CCDC39: variants seen among roughly 807,000 people sequenced by gnomAD.
CCDC39 encodes the protein coiled-coil domain 39 molecular ruler complex subunit.
Under a neutral mutation model 121.0 loss-of-function variants are expected in CCDC39, and 113 were observed. The ratio of observed to expected loss-of-function variants is 0.93; its 90% confidence interval spans 0.80 to 1.09. CCDC39 has a LOEUF of 1.09. Ranked by LOEUF, CCDC39 falls within the 50% of genes least tolerant of loss-of-function variation. The pLI is 0.00. For missense variants in CCDC39, 1,063 were observed against 1,074.7 expected (o/e 0.99, Z 0.15); for synonymous variants, 349 against 352.2 (o/e 0.99, Z 0.10).
intron 12 of CCDC39, among the ~76,000 whole-genome samples, chr3:180,643,306 T>G (rs939403196): frequency 2.0e-5 from 3 of 151,940 alleles, no homozygotes; most frequent in Non-Finnish European, 4.4e-5. Flanking sequence ...AATTTATATA[T>G]GTAAACTTCC....
At chr3:180,666,485 T>C (rs577801828) in intron 1 of CCDC39, among the ~76,000 whole-genome samples, 1 of 152,332 alleles carries the variant, frequency 6.6e-6, no homozygotes, top group Non-Finnish European at 1.5e-5. Flanking sequence ...AATAGCTCAC[T>C]GTAACTGTAC....
rs1711691565 is a variant in CCDC39, at chr3:180,659,673, T to C, written c.609+4A>G. ...TAAGAAATAAAAATCTTCCTTAAAC[T>C]AACCTGTGCGCTTATAGTCTCTGTA... On this transcript the variant is annotated splice_donor_region_variant and intron_variant, in intron 5 of 19. Transcript: ENST00000476379. 1 of 1,606,994 alleles carries C rather than the reference T, an allele frequency of 6.2e-7. No homozygotes were observed. The highest frequency in any genetic ancestry group is 8.5e-7 in the Non-Finnish European group (1 of 1,177,738).
chr3:180,660,285 G>A (rs1711709670), intron 4 of CCDC39, among the ~76,000 whole-genome samples: 1 of 151,964 alleles, frequency 6.6e-6, no homozygotes, highest in Non-Finnish European at 1.5e-5. Flanking sequence ...ATGCTTTTGA[G>A]CATCCTTATA....
Position 180,648,352 on chromosome 3 carries a change from T to C in CCDC39, c.1175A>G (p.Asp392Gly). Residue 392 changes from aspartate to glycine, a missense_variant, in exon 10 of 20, where the codon GAT becomes GGT. Transcript: ENST00000476379. ...KEEEKDVKEV[D>G]VQLNLIKGVL... is the part of the protein sequence containing the mutation. The stretch of plus-strand genomic sequence containing the variant: ...ACCTTTTATGAGGTTCAGTTGAACA[T>C]CTACTTCCTGATAATGAGAATTATA... 6.4e-7 allele frequency: 1 copy of C among 1,550,410 alleles called. No homozygotes were observed. The highest frequency in any genetic ancestry group is 8.7e-7 in the Non-Finnish European group (1 of 1,148,326).
chr3:180,669,784 C>T (rs537892214), intron 1 of CCDC39, among the ~76,000 whole-genome samples: 1 of 152,172 alleles, frequency 6.6e-6, no homozygotes, highest in Admixed American at 6.5e-5. Context: ...ACACAAAATG[C>T]TTTTTTAGTG....
chr3:180,623,813 GAGA>G (rs991697604), intron 14 of CCDC39, among the ~76,000 whole-genome samples: 53 of 151,770 alleles, frequency 3.5e-4, no homozygotes, highest in African/African-American at 1.2e-3. Flanking sequence ...ACTGTGGTCT[GAGA>G]AGATTTTTTT....
intron 2 of CCDC39, 35 bp downstream of exon 2, chr3:180,663,832 C>T (rs1411029177): frequency 1.2e-6 from 2 of 1,601,538 alleles, no homozygotes; most frequent in Non-Finnish European, 1.7e-6. Flanking sequence ...TCCATGACTA[C>T]ACGATATAAT....
intron 11 of CCDC39, among the ~76,000 whole-genome samples, chr3:180,646,182 C>T (rs1171401039): frequency 6.6e-6 from 1 of 151,614 alleles, no homozygotes; most frequent in African/African-American, 2.4e-5. Flanking sequence ...TTATCTGATC[C>T]AAAAACAAGT....
chr3:180,636,486 A>G (rs955551002), intron 13 of CCDC39, among the ~76,000 whole-genome samples: 3 of 152,238 alleles, frequency 2.0e-5, no homozygotes, highest in African/African-American at 7.2e-5. Flanking sequence ...AGGAAGAATC[A>G]ATGTTAAAAT....
intron 14 of CCDC39, among the ~76,000 whole-genome samples, chr3:180,628,711 G>A (rs977950974): frequency 6.6e-6 from 1 of 152,120 alleles, no homozygotes; most frequent in Non-Finnish European, 1.5e-5. Context: ...AAATGAATAA[G>A]TGTATGTATT....
At chr3:180,646,245 A>G (rs1718064057) in intron 11 of CCDC39, among the ~76,000 whole-genome samples, 1 of 152,072 alleles carries the variant, frequency 6.6e-6, no homozygotes, top group Non-Finnish European at 1.5e-5. Context: ...ATCAGACTAC[A>G]AACTACTCCA....
chr3:180,633,520 A>G (rs1348766469), intron 13 of CCDC39, among the ~76,000 whole-genome samples: 1 of 152,182 alleles, frequency 6.6e-6, no homozygotes, highest in East Asian at 1.9e-4. Context: ...AAGAATAAAG[A>G]TTTAATGAGC....
intron 1 of CCDC39, among the ~76,000 whole-genome samples, chr3:180,676,394 G>C (rs1350496629): frequency 2.6e-5 from 4 of 152,206 alleles, no homozygotes; most frequent in African/African-American, 9.7e-5. Flanking sequence ...ATGAAAAAAT[G>C]CTCATCATCA....
chr3:180,663,322 T>C (rs1345834979), intron 2 of CCDC39, among the ~76,000 whole-genome samples: 1 of 152,174 alleles, frequency 6.6e-6, no homozygotes, highest in Admixed American at 6.5e-5. Context: ...ACCACCATCA[T>C]TGTACCTTTC....
intron 14 of CCDC39, among the ~76,000 whole-genome samples, chr3:180,628,971 A>G (rs1429775309): frequency 5.9e-5 from 9 of 152,254 alleles, no homozygotes; most frequent in South Asian, 2.1e-4. Flanking sequence ...TAAATCTACT[A>G]CATCAACAAA....
intron 12 of CCDC39, among the ~76,000 whole-genome samples, chr3:180,642,493 C>CAT (rs1306183279): frequency 6.6e-6 from 1 of 151,882 alleles, no homozygotes; most frequent in African/African-American, 2.4e-5. Context: ...ATCCAAAAAA[C>CAT]ATAAAGCCCT....
intron 6 of CCDC39, among the ~76,000 whole-genome samples, chr3:180,656,660 T>C (rs1481924893): frequency 1.3e-5 from 2 of 151,916 alleles, no homozygotes; most frequent in East Asian, 3.9e-4. Context: ...AGACAGGAGG[T>C]TGGCTCAAGA....
chr3:180,652,049 AG>A (rs1560089937), intron 8 of CCDC39, 113 bp downstream of exon 8: 3 of 626,842 alleles, frequency 4.8e-6, no homozygotes, highest in Non-Finnish European at 8.0e-6. Context: ...AAAAAAAAAA[AG>A]TAGTAGCTAA....
intron 14 of CCDC39, among the ~76,000 whole-genome samples, chr3:180,628,135 T>C (rs1717606740): frequency 6.6e-6 from 1 of 152,196 alleles, no homozygotes; most frequent in Non-Finnish European, 1.5e-5. Context: ...GAACAGGTTA[T>C]TCTTCATAGC....
Sources: allele counts gnomAD v4.1 joint callset (sites outside exome capture counted in the v4.1 genomes callset), GRCh38; gene constraint gnomAD v4.1.1; transcripts MANE v1.5; gene names NCBI Gene and HGNC (gene_info 2026-07-23, HGNC 2026-07-21).